KIF1A: variants seen among roughly 807,000 people sequenced by gnomAD.
KIF1A encodes the protein kinesin-like protein KIF1A.
Under a neutral mutation model 227.3 loss-of-function variants are expected in KIF1A, and 46 were observed. The observed-to-expected ratio is 0.20, with a 90% CI of 0.16 to 0.26. The LOEUF (loss-of-function observed/expected upper bound fraction) is 0.26, where lower values mean the gene tolerates loss of function less well. Ranked by LOEUF, KIF1A falls within the 10% of genes least tolerant of loss-of-function variation. The pLI is 1.00. For missense variants in KIF1A, 1,683 were observed against 2,485.9 expected (o/e 0.68, Z 6.87); for synonymous variants, 1,022 against 1,012.8 (o/e 1.01, Z -0.17).
At chr2:240,738,026 A>C (rs1207177912) in intron 37 of KIF1A, among the ~76,000 whole-genome samples, 1 of 152,216 alleles carries the variant, frequency 6.6e-6, no homozygotes, top group Non-Finnish European at 1.5e-5. Flanking sequence ...GGTGGATCCC[A>C]GCAAAGTGCC....
At position 240,723,958 on chromosome 2, in the gene KIF1A, G is replaced by A. The variant is rs138964333; in HGVS notation, c.4318+17C>T. 9.3e-3 allele frequency: 14,920 copies of A among 1,607,566 alleles called. 83 individuals are homozygous for A. The highest frequency in any genetic ancestry group is 0.011 in the Non-Finnish European group (12,978 of 1,175,166). ...CAGGCCAGGAACCCACCCAGTGAGA[G>A]CAGGGCAGATACCTACCTGGGCTGC... is the stretch of plus-strand genomic sequence containing the variant. On this transcript the variant is annotated intron_variant, in intron 41 of 48. Transcript: ENST00000498729.
chr2:240,772,644 AG>A (rs749997357), intron 13 of KIF1A, 48 bp from the exon 14 acceptor site: 1 of 1,467,532 alleles, frequency 6.8e-7, no homozygotes, highest in Non-Finnish European at 9.3e-7. Flanking sequence ...GAGAAACAGA[AG>A]AACAGGTTTG....
chr2:240,775,648 G>C lies in KIF1A; in HGVS notation c.958+203C>G, dbSNP rs543820829. 6.6e-6 allele frequency among the ~76,000 whole-genome samples: 1 copy of C among 152,276 alleles called. No individual in the cohort carries two copies. Among genetic ancestry groups the C allele is most frequent in the East Asian group, 1.9e-4 (1 of 5,164 alleles). The stretch of plus-strand genomic sequence containing the variant: ...CTGGGCTGTCCTGGTTCCCACACTC[G>C]CTTCGTTAACCCACTGCTGGCCGTT... On this transcript the variant is annotated intron_variant, in intron 11 of 48. Coordinates refer to ENST00000498729, the MANE Select transcript of KIF1A (RefSeq NM_001244008.2). This position sits in a 1 kb window ranked among gnomAD's most constrained non-coding sequence, Gnocchi z 5.5.
intron 38 of KIF1A, chr2:240,734,587 A>C (rs2047106752): frequency 2.0e-6 from 1 of 491,434 alleles, no homozygotes; most frequent in Non-Finnish European, 3.9e-6. Flanking sequence ...AGGACAGGTG[A>C]GCACGTGTGT....
intron 1 of KIF1A, 110 bp from the exon 2 acceptor site, chr2:240,797,922 G>C: frequency 1.7e-6 from 1 of 584,290 alleles, no homozygotes; most frequent in Admixed American, 3.0e-5. Flanking sequence ...AAAGCTCCCA[G>C]TGTGATACAT....
Position 240,757,505 on chromosome 2 carries a change from G to C in KIF1A, c.2672C>G (p.Ser891Trp). The C allele has an allele frequency of 6.4e-7, 1 of 1,550,420 alleles. No homozygotes were observed. Among genetic ancestry groups the C allele is most frequent in the East Asian group, 2.4e-5 (1 of 40,888 alleles). ...CTCGGTGGCGTCGGAGTCGGGGCTC[G>C]AGAAGGTGGGGGAGGGGGTGAGAGC... ...MAALTPSPTFSSPDSDATEPA... is the reference protein window; with the variant it reads ...MAALTPSPTFWSPDSDATEPA... Residue 891 changes from serine to tryptophan, a missense_variant, in exon 27 of 49, where the codon TCG becomes TGG. Around this residue, in one of 12 missense-constraint regions of KIF1A, gnomAD observed 759 missense variants for 1,020.2 expected, o/e 0.74. Coordinates refer to ENST00000498729, the MANE Select transcript of KIF1A (RefSeq NM_001244008.2). The surrounding 1 kb of genome is among the most constrained non-coding windows in gnomAD (Gnocchi z 6.2).
intron 10 of KIF1A, among the ~76,000 whole-genome samples, chr2:240,781,463 C>CACA (rs1169689987): frequency 2.8e-4 from 8 of 28,602 alleles, no homozygotes; most frequent in African/African-American, 1.8e-3. Context: ...ACACACAGCT[C>CACA]CACACACACA....
intron 46 of KIF1A, among the ~76,000 whole-genome samples, 197 bp downstream of exon 46, chr2:240,719,577 T>C (rs1401890249): frequency 1.3e-5 from 2 of 152,332 alleles, no homozygotes; most frequent in East Asian, 3.9e-4. Context: ...GGGCCCTGCC[T>C]GACCTCCCAG....
intron 24 of KIF1A, 43 bp from the exon 25 acceptor site, chr2:240,760,886 C>T: frequency 6.4e-7 from 1 of 1,556,468 alleles, no homozygotes; most frequent in Non-Finnish European, 8.7e-7. Context: ...CCTTGGGGGA[C>T]AGGGTGCCAG....
Position 240,754,747 on chromosome 2 carries a change from C to T in KIF1A, c.2858+2572G>A, listed in dbSNP as rs145003724. ...CCCTACCAGCCACAGACACACCCAACGCAGAGTGGCTCTCAGGATCTCGGG... is the reference window on the plus strand; with the variant it reads ...CCCTACCAGCCACAGACACACCCAATGCAGAGTGGCTCTCAGGATCTCGGG... On this transcript the variant is annotated intron_variant, in intron 27 of 48. Transcript: ENST00000498729. Among the ~76,000 whole-genome samples the T allele has an allele frequency of 5.3e-5, 8 of 152,312 alleles. No homozygotes were observed. In the East Asian group the frequency reaches 5.8e-4, roughly 11 times the overall value.
intron 38 of KIF1A, among the ~76,000 whole-genome samples, chr2:240,729,450 C>T (rs968022035): frequency 1.3e-5 from 2 of 152,258 alleles, no homozygotes; most frequent in Admixed American, 6.5e-5. Flanking sequence ...AGCCCAGGCA[C>T]TCCTCATTCA....
At chr2:240,811,317 A>C (rs899453699) in intron 1 of KIF1A, among the ~76,000 whole-genome samples, 1 of 152,174 alleles carries the variant, frequency 6.6e-6, no homozygotes, top group Non-Finnish European at 1.5e-5. Flanking sequence ...GTGAGTAGAG[A>C]TTGCGCCACT....
At chr2:240,779,785 A>G (rs1180278210) in intron 10 of KIF1A, among the ~76,000 whole-genome samples, 1 of 151,906 alleles carries the variant, frequency 6.6e-6, no homozygotes. Flanking sequence ...ACTTCCCCAC[A>G]CTGGCTGACA....
At position 240,772,602 on chromosome 2, in the gene KIF1A, G is replaced by C. The variant is rs535005700; in HGVS notation, c.1181-6C>G. On this transcript the variant is annotated splice_polypyrimidine_tract_variant and splice_region_variant and intron_variant, in intron 13 of 48. Coordinates refer to ENST00000498729, the MANE Select transcript of KIF1A (RefSeq NM_001244008.2). ...TCCTCCAGGCACAGTGTTGGCTATG[G>C]GGGAGGGAAGCGTGGGGGAGGGGGA... 1.9e-4 allele frequency: 291 copies of C among 1,545,688 alleles called. No homozygotes were observed. Among genetic ancestry groups the C allele is most frequent in the Non-Finnish European group, 2.5e-4 (281 of 1,142,758 alleles).
At chr2:240,733,731 G>A (rs993924520) in intron 38 of KIF1A, among the ~76,000 whole-genome samples, 1 of 152,178 alleles carries the variant, frequency 6.6e-6, no homozygotes, top group African/African-American at 2.4e-5. Context: ...TGCCAGGAGC[G>A]GCCTCACACC....
chr2:240,723,019 C>T (rs889213092), intron 42 of KIF1A, among the ~76,000 whole-genome samples: 1 of 152,220 alleles, frequency 6.6e-6, no homozygotes, highest in Non-Finnish European at 1.5e-5. Flanking sequence ...ACGCATCTCA[C>T]ACGTCACGCG....
chr2:240,812,900 G>GAA (rs2058011863), intron 1 of KIF1A, among the ~76,000 whole-genome samples: 1 of 149,222 alleles, frequency 6.7e-6, no homozygotes, highest in African/African-American at 2.5e-5. Context: ...TTCACCTCGG[G>GAA]GATCCGCCTT....
At chr2:240,810,215 T>A (rs13420888) in intron 1 of KIF1A, among the ~76,000 whole-genome samples, 2,023 of 152,170 alleles carry the variant, frequency 0.013, 35 homozygotes, top group African/African-American at 0.045. Flanking sequence ...GGAGAAGGTA[T>A]CTGCAACACA....
chr2:240,741,980 C>T (rs570182296), intron 34 of KIF1A, among the ~76,000 whole-genome samples: 5 of 152,352 alleles, frequency 3.3e-5, no homozygotes, highest in Admixed American at 3.3e-4. Flanking sequence ...CAAGTCCCCT[C>T]CTCTGCCTCT....
Sources: gnomAD v4.1 joint callset for allele counts (sites outside exome capture counted in the v4.1 genomes callset) on GRCh38, gnomAD v4.1.1 for gene constraint, gnomAD v4.1.1 regional missense constraint, Gnocchi (gnomAD v3.1) non-coding constraint, MANE v1.5 for transcripts, NCBI Gene and HGNC (gene_info 2026-07-23, HGNC 2026-07-21) for gene names.